GUCY1A2: variants seen among roughly 807,000 people sequenced by gnomAD.
The protein encoded by GUCY1A2 is guanylate cyclase 1 soluble subunit alpha 2, also known as guanylate cyclase soluble subunit alpha-2.
A neutral mutation model predicts 63.5 loss-of-function variants in GUCY1A2; 27 were observed. That is an observed-to-expected ratio of 0.43 (90% CI 0.31 to 0.59). The LOEUF (loss-of-function observed/expected upper bound fraction) is 0.59. Among genes scored for constraint, GUCY1A2 ranks in the 20% least tolerant of loss-of-function variants. The pLI is 0.11. For missense variants in GUCY1A2, 768 were observed against 913.3 expected, an observed-to-expected ratio of 0.84 and a Z score of 2.05; for synonymous variants, 364 against 343.5, an observed-to-expected ratio of 1.06 and a Z score of -0.66.
At chr11:106,764,946 C>T (rs1011994114) in intron 6 of GUCY1A2, among the ~76,000 whole-genome samples, 27 of 117,174 alleles carry the variant, frequency 2.3e-4, no homozygotes, top group Admixed American at 1.1e-3. Context: ...ATAAGATTAA[C>T]GAAACTTACT....
chr11:106,802,136 C>T (rs1488462634), intron 5 of GUCY1A2, among the ~76,000 whole-genome samples: 1 of 152,116 alleles, frequency 6.6e-6, no homozygotes, highest in Non-Finnish European at 1.5e-5. Flanking sequence ...AATAGAAACA[C>T]CTCAGTTCAG....
intron 3 of GUCY1A2, among the ~76,000 whole-genome samples, chr11:106,946,661 A>G (rs983057964): frequency 2.6e-5 from 4 of 152,178 alleles, no homozygotes; most frequent in African/African-American, 7.2e-5. Context: ...ATTTACAAAG[A>G]AGACCTAAGA....
At chr11:106,964,034 T>C (rs995083143) in intron 3 of GUCY1A2, among the ~76,000 whole-genome samples, 5 of 151,718 alleles carry the variant, frequency 3.3e-5, no homozygotes, top group Middle Eastern at 3.2e-3. Flanking sequence ...TCTCTTTTGC[T>C]ACACACACAC....
intron 4 of GUCY1A2, among the ~76,000 whole-genome samples, chr11:106,870,799 C>G (rs1859666425): frequency 6.6e-6 from 1 of 152,102 alleles, no homozygotes; most frequent in Admixed American, 6.6e-5. Flanking sequence ...TTCTTTCATT[C>G]TTTTGTTTTA....
intron 6 of GUCY1A2, among the ~76,000 whole-genome samples, chr11:106,743,964 A>C (rs1277123493): frequency 6.6e-6 from 1 of 152,210 alleles, no homozygotes; most frequent in African/African-American, 2.4e-5. Flanking sequence ...TCCCTAGTTT[A>C]AGAATCCACC....
intron 1 of GUCY1A2, among the ~76,000 whole-genome samples, chr11:106,997,078 T>G (rs1260691599): frequency 1.3e-5 from 2 of 152,328 alleles, no homozygotes; most frequent in East Asian, 3.9e-4. Context: ...AACTCTAAAC[T>G]ATCTGAGCAC....
At chr11:106,881,242 A>G (rs1229150479) in intron 4 of GUCY1A2, among the ~76,000 whole-genome samples, 2 of 152,106 alleles carry the variant, frequency 1.3e-5, no homozygotes, top group Admixed American at 6.6e-5. Flanking sequence ...TATAGGGTTA[A>G]TTGCATATAA....
chr11:106,848,969 A>C (rs1312608601), intron 4 of GUCY1A2, among the ~76,000 whole-genome samples: 2 of 151,672 alleles, frequency 1.3e-5, no homozygotes, highest in African/African-American at 4.8e-5. Context: ...AAAGTCTTCT[A>C]AGCCAATTCT....
At chr11:106,979,164 T>C (rs759137892) in intron 2 of GUCY1A2, among the ~76,000 whole-genome samples, 2 of 152,092 alleles carry the variant, frequency 1.3e-5, no homozygotes, top group Admixed American at 6.6e-5. Flanking sequence ...GTCAAGAAGA[T>C]AGCAGTATAG....
intron 3 of GUCY1A2, among the ~76,000 whole-genome samples, chr11:106,978,071 G>T (rs762307762): frequency 6.6e-6 from 1 of 151,986 alleles, no homozygotes; most frequent in East Asian, 1.9e-4. Flanking sequence ...TAGCCATGTT[G>T]GAGCATCCAA....
intron 5 of GUCY1A2, among the ~76,000 whole-genome samples, chr11:106,781,183 T>G (rs1273059099): frequency 6.6e-6 from 1 of 151,196 alleles, no homozygotes; most frequent in East Asian, 1.9e-4. Context: ...TATAATTGCC[T>G]CAGTGTTTTT....
chr11:106,943,296 A>G (rs1259590149), intron 3 of GUCY1A2, among the ~76,000 whole-genome samples: 22 of 152,228 alleles, frequency 1.4e-4, no homozygotes, highest in Non-Finnish European at 1.5e-5. Context: ...CATTTGAAAC[A>G]TATAGACAAT....
intron 4 of GUCY1A2, among the ~76,000 whole-genome samples, chr11:106,922,611 T>C (rs1159933314): frequency 7.0e-6 from 1 of 142,990 alleles, no homozygotes; most frequent in Admixed American, 7.1e-5. Flanking sequence ...ATTCAAATTG[T>C]CCTTATTATA....
In GUCY1A2 at chr11:106,959,235, T is replaced by C. The variant is rs77344526; in HGVS notation, c.488-19057A>G. On this transcript the variant is annotated intron_variant, in intron 3 of 7. Transcript: ENST00000526355. The stretch of plus-strand genomic sequence containing the variant: ...TTTTTTTAATGGTCATCTTTTAAAA[T>C]TGAGTGAGGAGGGGAAAATATATAC... 4.2e-3 allele frequency among the ~76,000 whole-genome samples: 636 copies of C among 152,256 alleles called. 7 individuals are homozygous for C. The highest frequency in any genetic ancestry group is 0.014 in the African/African-American group (597 of 41,544).
chr11:106,795,237 T>A (rs1027523517), intron 5 of GUCY1A2, among the ~76,000 whole-genome samples: 10 of 152,134 alleles, frequency 6.6e-5, no homozygotes, highest in African/African-American at 2.4e-4. Context: ...TTAGCTACCA[T>A]TGCACTGTCA....
intron 3 of GUCY1A2, 76 bp from the exon 4 acceptor site, chr11:106,940,254 C>A: frequency 1.4e-6 from 1 of 712,292 alleles, no homozygotes; most frequent in South Asian, 1.9e-5. Context: ...AAGTGCTTAT[C>A]AAAAGAGTAA....
chr11:106,932,076 A>G (rs980975183), intron 4 of GUCY1A2, among the ~76,000 whole-genome samples: 9 of 152,144 alleles, frequency 5.9e-5, no homozygotes, highest in African/African-American at 9.7e-5. Flanking sequence ...CTAACTTAAA[A>G]ACAAAAGGAA....
chr11:106,864,310 T>C (rs777588946), intron 4 of GUCY1A2, among the ~76,000 whole-genome samples: 2 of 151,994 alleles, frequency 1.3e-5, no homozygotes, highest in South Asian at 4.1e-4. Flanking sequence ...ATATAATTTA[T>C]ATATAATTAC....
chr11:106,862,317 T>C (rs991365085), intron 4 of GUCY1A2, among the ~76,000 whole-genome samples: 1 of 56,986 alleles, frequency 1.8e-5, no homozygotes, highest in Non-Finnish European at 3.4e-5. Context: ...GTTATGAGAA[T>C]TGAATGAGAT....
Sources: gnomAD v4.1 joint callset for allele counts (sites outside exome capture counted in the v4.1 genomes callset) on GRCh38, gnomAD v4.1.1 for gene constraint, MANE v1.5 for transcripts, NCBI Gene and HGNC (gene_info 2026-07-23, HGNC 2026-07-21) for gene names.